The following RYK variants were observed in gnomAD, a reference collection of about 807,000 sequenced individuals.
RYK encodes inactive tyrosine-protein kinase RYK.
Under a neutral mutation model 70.2 loss-of-function variants are expected in RYK, and 21 were observed. The ratio of observed to expected loss-of-function variants is 0.30; its 90% CI spans 0.21 to 0.43. The LOEUF (loss-of-function observed/expected upper bound fraction) is 0.43. Among genes scored for constraint, RYK ranks in the 20% least tolerant of loss-of-function variants. The pLI, the probability that RYK is intolerant of heterozygous loss-of-function variation, is 1.00. For synonymous variants in RYK, 267 were observed against 278.0 expected (o/e 0.96, Z 0.39); for missense variants, 604 against 753.3 (o/e 0.80, Z 2.32).
At position 134,158,255 on chromosome 3, in the gene RYK, C is replaced by T; in HGVS notation, c.1722G>A (p.Val574=). Residue 574 remains valine (V), a synonymous_variant, in exon 15 of 15, where the codon GTG becomes GTA. Coordinates refer to ENST00000623711, the MANE Select transcript of RYK (RefSeq NM_002958.4). ...GATCTAAGGCCCAGCAACAGGCCAT[C>T]ACAGCAAATCTGCAGAGTGACAAAA... is the stretch of plus-strand genomic sequence containing the variant. ...PINCPDELFA[V]MACCWALDPE... The T allele has an allele frequency of 6.4e-7, 1 of 1,558,288 alleles. No homozygotes were observed. The highest frequency in any genetic ancestry group is 1.2e-5 in the South Asian group (1 of 82,510).
chr3:134,228,685 T>C (rs2014974173), intron 1 of RYK, among the ~76,000 whole-genome samples: 1 of 152,006 alleles, frequency 6.6e-6, no homozygotes, highest in Non-Finnish European at 1.5e-5. Flanking sequence ...GCACAGCAAT[T>C]ATTACTAGAG....
intron 1 of RYK, among the ~76,000 whole-genome samples, chr3:134,224,912 A>C (rs1223363577): frequency 1.3e-5 from 2 of 152,238 alleles, no homozygotes; most frequent in African/African-American, 4.8e-5. Context: ...CTAATGATTA[A>C]TCATATTCAT....
At chr3:134,210,761 C>CT (rs2107679247) in intron 3 of RYK, among the ~76,000 whole-genome samples, 1 of 152,274 alleles carries the variant, frequency 6.6e-6, no homozygotes, top group African/African-American at 2.4e-5. Context: ...GCACCATACT[C>CT]TATGCTATGC....
chr3:134,211,781 TA>T (rs1383973701), intron 2 of RYK, among the ~76,000 whole-genome samples, 174 bp from the exon 3 acceptor site: 4 of 152,272 alleles, frequency 2.6e-5, no homozygotes, highest in Non-Finnish European at 4.4e-5. Context: ...TTCAATTGGA[TA>T]AAAATTCAAC....
chr3:134,188,253 C>T (rs1346328911), intron 9 of RYK, among the ~76,000 whole-genome samples: 2 of 150,684 alleles, frequency 1.3e-5, no homozygotes, highest in Admixed American at 6.6e-5. Flanking sequence ...CTCCGCCTCT[C>T]GGGTTCAAGC....
intron 9 of RYK, among the ~76,000 whole-genome samples, chr3:134,186,227 G>A (rs969025160): frequency 1.3e-5 from 2 of 152,176 alleles, no homozygotes; most frequent in African/African-American, 4.8e-5. Context: ...TGTAAGATTC[G>A]GGTTGCTAAT....
intron 3 of RYK, among the ~76,000 whole-genome samples, chr3:134,210,404 T>C (rs1576522676): frequency 6.6e-6 from 1 of 151,544 alleles, no homozygotes; most frequent in African/African-American, 2.4e-5. Context: ...ATAATTTTTT[T>C]CCCCAATCTT....
chr3:134,229,723 T>C (rs1376476480), intron 1 of RYK, among the ~76,000 whole-genome samples: 4 of 152,084 alleles, frequency 2.6e-5, no homozygotes. Flanking sequence ...AACCAAAAAT[T>C]TTTTAACCAA....
chr3:134,181,016 T>G (rs1401152086), intron 10 of RYK: 1 of 152,222 alleles, frequency 6.6e-6, no homozygotes, highest in African/African-American at 2.4e-5. Context: ...TGCAAATGCT[T>G]GCTCTGAGCA....
chr3:134,244,341 T>C (rs539113604), intron 1 of RYK, among the ~76,000 whole-genome samples: 10 of 152,192 alleles, frequency 6.6e-5, no homozygotes, highest in Admixed American at 5.9e-4. Flanking sequence ...CAAGAATAAT[T>C]AGCATAATAA....
At chr3:134,247,531 C>T (rs1184181327) in intron 1 of RYK, among the ~76,000 whole-genome samples, 4 of 152,012 alleles carry the variant, frequency 2.6e-5, no homozygotes, top group East Asian at 1.9e-4. Flanking sequence ...GGAGAAACCT[C>T]GTCTCTACTA....
chr3:134,226,577 A>T (rs957222041), intron 1 of RYK, among the ~76,000 whole-genome samples: 1 of 152,280 alleles, frequency 6.6e-6, no homozygotes, highest in East Asian at 1.9e-4. Flanking sequence ...TCCCTTATGA[A>T]CATAGATTCA....
intron 2 of RYK, among the ~76,000 whole-genome samples, chr3:134,216,439 G>A (rs1344820091): frequency 1.3e-5 from 2 of 152,114 alleles, no homozygotes; most frequent in African/African-American, 4.8e-5. Context: ...ATGGGGTAAG[G>A]GTGGGTAGTG....
chr3:134,199,308 G>A (rs557022798), intron 6 of RYK, among the ~76,000 whole-genome samples: 1 of 152,336 alleles, frequency 6.6e-6, no homozygotes, highest in South Asian at 2.1e-4. Context: ...GAATTCCACG[G>A]AGCCATGGGC....
At chr3:134,213,896 TG>T (rs1342350460) in intron 2 of RYK, among the ~76,000 whole-genome samples, 2 of 152,088 alleles carry the variant, frequency 1.3e-5, no homozygotes, top group African/African-American at 4.8e-5. Flanking sequence ...CTCCACCTCC[TG>T]GGTTCAAGCG....
At chr3:134,247,702 CAA>C (rs34233640) in intron 1 of RYK, among the ~76,000 whole-genome samples, 35 of 104,762 alleles carry the variant, frequency 3.3e-4, no homozygotes, top group East Asian at 4.4e-4. Flanking sequence ...AACTCCGTCT[CAA>C]AAAAAAAAAA....
chr3:134,233,118 T>C (rs183386016), intron 1 of RYK, among the ~76,000 whole-genome samples: 9 of 152,330 alleles, frequency 5.9e-5, no homozygotes, highest in Non-Finnish European at 1.0e-4. Context: ...ACACCCTATA[T>C]GTTAATATCT....
chr3:134,204,665 C>A (rs2014150822), intron 5 of RYK, among the ~76,000 whole-genome samples: 1 of 150,358 alleles, frequency 6.7e-6, no homozygotes, highest in Non-Finnish European at 1.5e-5. Flanking sequence ...CAGCAAGATA[C>A]AAATGACATA....
rs569128720 is a variant in RYK, at chr3:134,205,208, A to G, written c.643+2264T>C. Among the ~76,000 whole-genome samples, 188 of 152,350 alleles carry G rather than the reference A, an allele frequency of 1.2e-3. 1 individual carries two copies. Among genetic ancestry groups the G allele is most frequent in the Non-Finnish European group, 1.2e-3 (83 of 68,040 alleles). Reference sequence around the variant, plus strand: ...ACCTAGTCTACTAACTAGGTACCTCATATCTCCATGCACAGACGTTAAACT... The same window carrying G: ...ACCTAGTCTACTAACTAGGTACCTCGTATCTCCATGCACAGACGTTAAACT... On this transcript the variant is annotated intron_variant, in intron 5 of 14. Transcript: ENST00000623711.
Sources: gnomAD v4.1 joint callset for allele counts (sites outside exome capture counted in the v4.1 genomes callset) on GRCh38, gnomAD v4.1.1 for gene constraint, MANE v1.5 for transcripts, NCBI Gene and HGNC (gene_info 2026-07-23, HGNC 2026-07-21) for gene names.